The following MCM5 variants were observed in gnomAD, a reference collection of about 807,000 sequenced individuals.
The protein encoded by MCM5 is minichromosome maintenance complex component 5, also known as DNA replication licensing factor MCM5.
A neutral mutation model predicts 79.9 loss-of-function variants in MCM5; 46 were observed. That is an observed-to-expected ratio of 0.58 (90% confidence interval 0.45 to 0.74). MCM5 has a LOEUF of 0.74. Among genes scored for constraint, MCM5 ranks in the 30% least tolerant of loss-of-function variants. MCM5 has a pLI of 0.00. For missense variants in MCM5, 883 were observed against 1,017.0 expected (o/e 0.87, Z 1.79); for synonymous variants, 404 against 390.5 (o/e 1.03, Z -0.41).
chr22:35,417,154 A>G (rs1440265728), intron 12 of MCM5, among the ~76,000 whole-genome samples: 2 of 152,198 alleles, frequency 1.3e-5, no homozygotes, highest in African/African-American at 4.8e-5. Context: ...AAATTTTTCA[A>G]AGAAAAAAAC....
chr22:35,422,851 C>G (rs899871332), intron 15 of MCM5: 4 of 164,948 alleles, frequency 2.4e-5, no homozygotes, highest in African/African-American at 9.5e-5. Flanking sequence ...CCTTCCAACT[C>G]TCTCTCTAAT....
intron 15 of MCM5, 85 bp downstream of exon 15, chr22:35,421,545 G>A (rs778133761): frequency 7.6e-6 from 12 of 1,569,376 alleles, no homozygotes; most frequent in Non-Finnish European, 1.0e-5. Flanking sequence ...CCTGCTGGGG[G>A]CCTGCAGTGT....
At chr22:35,401,878 AG>A in intron 2 of MCM5, 1 of 368,846 alleles carries the variant, frequency 2.7e-6, no homozygotes, top group East Asian at 7.3e-5. Context: ...AGCTAAGGTC[AG>A]AGTTGCAGGT....
At chr22:35,443,198 T>A in the MCM5 span, among the ~76,000 whole-genome samples, 37 of 151,972 alleles carry the variant, frequency 2.4e-4, no homozygotes, top group African/African-American at 7.0e-4. Context: ...TGCAAAAAAA[T>A]TTTTTTTACA....
At chr22:35,406,997 G>C (rs1386685485) in intron 5 of MCM5, among the ~76,000 whole-genome samples, 1 of 152,188 alleles carries the variant, frequency 6.6e-6, no homozygotes, top group East Asian at 1.9e-4. Context: ...GCAGTCCAGG[G>C]TAATGAGTCT....
At chr22:35,439,385 A>G in the MCM5 span, among the ~76,000 whole-genome samples, 1 of 114,674 alleles carries the variant, frequency 8.7e-6, no homozygotes, top group African/African-American at 3.6e-5. Context: ...CCATCTATCC[A>G]TACATCCACC....
At chr22:35,421,197 C>A in intron 14 of MCM5, 121 bp from the exon 15 acceptor site, 1 of 863,608 alleles carries the variant, frequency 1.2e-6, no homozygotes, top group Non-Finnish European at 1.8e-6. Flanking sequence ...ATTATGGGGA[C>A]ACCTAGCAGT....
rs140153390 is a variant in MCM5, at chr22:35,418,668, A to T, written c.1703+812A>T. On this transcript the variant is annotated intron_variant, in intron 13 of 16. Coordinates refer to ENST00000216122, the MANE Select transcript of MCM5 (RefSeq NM_006739.4). ...GAGTGAGACTCTGTCTCAAAAAAAA[A>T]AAATATATATATATGTGTACACACA... Among the ~76,000 whole-genome samples the T allele has an allele frequency of 0.015, 2,022 of 137,488 alleles. 132 individuals are homozygous for T. In the East Asian group the frequency reaches 0.22, roughly 15 times the overall value. 90.2% of individuals were successfully genotyped at this position (137,488 alleles called of 152,430 possible). A position where few individuals can be genotyped will look rare whatever the true frequency, so the allele number is the denominator to read the frequency against.
At chr22:35,418,711 T>A (rs991560149) in intron 13 of MCM5, among the ~76,000 whole-genome samples, 122 of 134,702 alleles carry the variant, frequency 9.1e-4, no homozygotes, top group African/African-American at 6.4e-4. Flanking sequence ...ACACACACAC[T>A]CACTCTTACA....
chr22:35,451,886 C>G, the MCM5 span, among the ~76,000 whole-genome samples: 4 of 152,196 alleles, frequency 2.6e-5, no homozygotes, highest in Non-Finnish European at 4.4e-5. Context: ...AAGGCTGATT[C>G]CAGGGAATCC....
In MCM5 at chr22:35,417,870, G is replaced by T; in HGVS notation, c.1703+14G>T. On this transcript the variant is annotated intron_variant, in intron 13 of 16. Transcript: ENST00000216122. Reference sequence around the variant, plus strand: ...CTACTGCCGAGTGTGAGTCCTGGACGCAGGCCCACGGGGGTGAGGTTGCCC... The same window carrying T: ...CTACTGCCGAGTGTGAGTCCTGGACTCAGGCCCACGGGGGTGAGGTTGCCC... 2 of 1,600,380 alleles carry T rather than the reference G, an allele frequency of 1.2e-6. No individual in the cohort carries two copies. The highest frequency in any genetic ancestry group is 1.7e-6 in the Non-Finnish European group (2 of 1,167,662).
At chr22:35,400,331 G>T in intron 1 of MCM5, 100 bp from the exon 2 acceptor site, 1 of 1,364,510 alleles carries the variant, frequency 7.3e-7, no homozygotes, top group Non-Finnish European at 1.0e-6. Flanking sequence ...GCGGCCGGGG[G>T]TCCCCCTGCT....
chr22:35,423,199 T>C lies in MCM5; in HGVS notation c.1976-15T>C, dbSNP rs1932737885. ...GTCCCAGCTCCCCGGCTGCCTCACTTCTCCATGCCCACAGGGGTGGAGGGC... is the reference window on the plus strand; with the variant it reads ...GTCCCAGCTCCCCGGCTGCCTCACTCCTCCATGCCCACAGGGGTGGAGGGC... On this transcript the variant is annotated splice_polypyrimidine_tract_variant and intron_variant, in intron 15 of 16. Transcript: ENST00000216122. 1 of 1,546,922 alleles carries C rather than the reference T, an allele frequency of 6.5e-7. No homozygotes were observed. Among genetic ancestry groups the C allele is most frequent in the African/African-American group, 1.4e-5 (1 of 73,030 alleles).
chr22:35,408,462 CAA>C lies in MCM5; in HGVS notation c.653_654del (p.Lys218MetfsTer16). The C allele has an allele frequency of 6.2e-7, 1 of 1,614,230 alleles. No individual in the cohort carries two copies. On this transcript the variant is annotated frameshift_variant, in exon 6 of 17. Transcript: ENST00000216122. LOFTEE classifies it high-confidence loss of function. ...TGGACCCGTACTTCATCATGCCCGA[CAA>C]ATGCAAATGCGTGGACTTCCAGACC... ...PLDPYFIMPD[K>X]CKCVDFQTLK...
the MCM5 span, among the ~76,000 whole-genome samples, chr22:35,438,856 TATCCATCC>T: frequency 4.4e-4 from 48 of 109,602 alleles, no homozygotes; most frequent in South Asian, 7.5e-4. Flanking sequence ...TCCACCCACA[TATCCATCC>T]ATCCATCCAT....
the MCM5 span, among the ~76,000 whole-genome samples, chr22:35,442,190 C>T: frequency 4.6e-5 from 7 of 152,018 alleles, no homozygotes; most frequent in East Asian, 1.2e-3. Context: ...CCATGCCACC[C>T]GTGTATATTA....
downstream of MCM5, among the ~76,000 whole-genome samples, chr22:35,428,903 C>T (rs1481790529): frequency 6.7e-6 from 1 of 150,164 alleles, no homozygotes; most frequent in Non-Finnish European, 1.5e-5. Flanking sequence ...AGCGATCCTA[C>T]TGCCTCGACC....
At chr22:35,412,378 A>T (rs960490154) in intron 7 of MCM5, 132 bp from the exon 8 acceptor site, 9 of 604,338 alleles carry the variant, frequency 1.5e-5, no homozygotes, top group Non-Finnish European at 2.1e-5. Context: ...TTACTCAGAT[A>T]GGTTGTGCTG....
intron 6 of MCM5, among the ~76,000 whole-genome samples, chr22:35,408,969 CTT>C (rs11288184): frequency 2.7e-5 from 4 of 149,692 alleles, no homozygotes; most frequent in African/African-American, 2.5e-5. Context: ...CCCAGGCTTT[CTT>C]TTTTTTTTTG....
Sources: gnomAD v4.1 joint callset for allele counts (sites outside exome capture counted in the v4.1 genomes callset) on GRCh38, gnomAD v4.1.1 for gene constraint, MANE v1.5 for transcripts, NCBI Gene and HGNC (gene_info 2026-07-23, HGNC 2026-07-21) for gene names.